MACROD2: variants seen among roughly 807,000 people sequenced by gnomAD.
MACROD2 encodes the protein mono-ADP ribosylhydrolase 2.
Under a neutral mutation model 70.4 loss-of-function variants are expected in MACROD2, and 36 were observed. The observed-to-expected ratio is 0.51, with a 90% CI of 0.39 to 0.68. MACROD2 has a LOEUF of 0.68. Among genes scored for constraint, MACROD2 ranks in the 30% least tolerant of loss-of-function variants. The probability of loss-of-function intolerance (pLI) is 0.00; values close to 1 mark genes in which losing one functional copy is unlikely to be tolerated. For synonymous variants in MACROD2, 172 were observed against 178.8 expected, an observed-to-expected ratio of 0.96 and a Z score of 0.30; for missense variants, 496 against 538.4, an observed-to-expected ratio of 0.92 and a Z score of 0.78.
chr20:15,819,763 G>A (rs2063919381), intron 8 of MACROD2, among the ~76,000 whole-genome samples: 1 of 152,000 alleles, frequency 6.6e-6, no homozygotes, highest in Non-Finnish European at 1.5e-5. Flanking sequence ...CCAGGGGTTG[G>A]GAAGAGGGGG....
chr20:14,088,456 GT>G (rs1298264717), intron 3 of MACROD2, among the ~76,000 whole-genome samples: 2 of 147,954 alleles, frequency 1.4e-5, no homozygotes, highest in East Asian at 4.0e-4. Context: ...TTTAAAAAAT[GT>G]TTATATGTAT....
intron 4 of MACROD2, among the ~76,000 whole-genome samples, chr20:14,598,423 T>G (rs1374615628): frequency 1.3e-5 from 2 of 152,172 alleles, no homozygotes; most frequent in Non-Finnish European, 2.9e-5. Context: ...GAGAGTTGAA[T>G]AACTAGGAAT....
chr20:15,474,010 T>A (rs905067051), intron 7 of MACROD2, among the ~76,000 whole-genome samples: 1 of 152,152 alleles, frequency 6.6e-6, no homozygotes, highest in Non-Finnish European at 1.5e-5. Context: ...GCTCTGTGAG[T>A]CTAGGCAAAC....
At chr20:14,325,012 G>T (rs2082711479) in intron 3 of MACROD2, 1 of 152,474 alleles carries the variant, frequency 6.6e-6, no homozygotes, top group African/African-American at 2.4e-5. Context: ...CACACATTTT[G>T]ATTTATTGAA....
chr20:15,544,457 C>A (rs1483183995), intron 8 of MACROD2, among the ~76,000 whole-genome samples: 2 of 152,116 alleles, frequency 1.3e-5, no homozygotes, highest in African/African-American at 4.8e-5. Context: ...CTGAATTATG[C>A]CATGGAGACA....
At chr20:15,125,412 A>G (rs983007222) in intron 5 of MACROD2, among the ~76,000 whole-genome samples, 2 of 152,130 alleles carry the variant, frequency 1.3e-5, no homozygotes, top group Admixed American at 6.6e-5. Context: ...GGTTAAGATG[A>G]AGATTTTATG....
At chr20:15,655,256 A>G (rs1001351932) in intron 8 of MACROD2, among the ~76,000 whole-genome samples, 2 of 152,024 alleles carry the variant, frequency 1.3e-5, no homozygotes, top group Non-Finnish European at 2.9e-5. Context: ...TGGTATGTGC[A>G]TATATACCTT....
At chr20:15,834,752 A>G (rs1568587353) in intron 8 of MACROD2, among the ~76,000 whole-genome samples, 1 of 152,224 alleles carries the variant, frequency 6.6e-6, no homozygotes, top group African/African-American at 2.4e-5. Context: ...ATTTTGTAGT[A>G]AAACATTTTG....
In MACROD2 at chr20:15,045,721, T is replaced by TG. The variant is rs1289905459; in HGVS notation, c.419-184219_419-184218insG. On this transcript the variant is annotated intron_variant, in intron 5 of 17. Coordinates refer to ENST00000684519, the MANE Select transcript of MACROD2 (RefSeq NM_001351661.2). ...TGATAATTTCTCTCCAGACCAGGGTTTTTTTTTTTTTTTTTTTTTTTTTCC... is the reference window on the plus strand; with the variant it reads ...TGATAATTTCTCTCCAGACCAGGGTTGTTTTTTTTTTTTTTTTTTTTTTTCC... 7.2e-5 allele frequency among the ~76,000 whole-genome samples: 8 copies of TG among 110,964 alleles called. No individual in the cohort carries two copies. In the East Asian group the frequency reaches 1.3e-3, roughly 18 times the overall value. 72.8% of individuals were successfully genotyped at this position (110,964 alleles called of 152,430 possible).
At chr20:15,232,040 A>G (rs1185285602) in intron 6 of MACROD2, among the ~76,000 whole-genome samples, 2 of 152,088 alleles carry the variant, frequency 1.3e-5, no homozygotes, top group East Asian at 3.9e-4. Flanking sequence ...ATAAAAAAGA[A>G]AAATATTTTT....
intron 3 of MACROD2, among the ~76,000 whole-genome samples, chr20:14,264,555 A>G (rs1180382074): frequency 6.6e-6 from 1 of 152,250 alleles, no homozygotes; most frequent in Non-Finnish European, 1.5e-5. Flanking sequence ...TCTGGAAAAG[A>G]CAAGGATGAT....
intron 12 of MACROD2, among the ~76,000 whole-genome samples, chr20:15,948,193 G>A (rs1349674529): frequency 1.3e-5 from 2 of 151,940 alleles, no homozygotes; most frequent in African/African-American, 2.4e-5. Context: ...CACCCAACCA[G>A]TGAGGTAGTA....
intron 6 of MACROD2, among the ~76,000 whole-genome samples, chr20:15,252,569 G>A (rs1016099218): frequency 1.3e-5 from 2 of 152,086 alleles, no homozygotes; most frequent in Non-Finnish European, 2.9e-5. Flanking sequence ...GAAGTCATTC[G>A]GCCATACCTA....
chr20:15,078,951 C>G (rs2075681431), intron 5 of MACROD2, among the ~76,000 whole-genome samples: 1 of 152,016 alleles, frequency 6.6e-6, no homozygotes, highest in East Asian at 1.9e-4. Flanking sequence ...TGGCCTCTTC[C>G]TTCACTTTCT....
rs2122959478 is a variant in MACROD2, at chr20:15,020,221, C to G, written c.419-209719C>G. On this transcript the variant is annotated intron_variant, in intron 5 of 17. Transcript: ENST00000684519. Reference sequence around the variant, plus strand: ...CCACTACTGTGTTCTCTTGATTTCCCAAGTCCTCACCTGAAAGGTCATCTT... The same window carrying G: ...CCACTACTGTGTTCTCTTGATTTCCGAAGTCCTCACCTGAAAGGTCATCTT... Among the ~76,000 whole-genome samples the G allele has an allele frequency of 1.3e-5, 2 of 152,182 alleles. 1 individual carries two copies. The highest frequency in any genetic ancestry group is 4.1e-4 in the South Asian group (2 of 4,820).
In MACROD2 at chr20:14,772,069, C is replaced by T. The variant is rs544856247; in HGVS notation, c.418+87110C>T. Among the ~76,000 whole-genome samples the T allele has an allele frequency of 1.1e-4, 17 of 151,922 alleles. No individual in the cohort carries two copies. In the East Asian group the frequency reaches 1.2e-3, roughly 10 times the overall value. On this transcript the variant is annotated intron_variant, in intron 5 of 17. Coordinates refer to ENST00000684519, the MANE Select transcript of MACROD2 (RefSeq NM_001351661.2). ...GGTGCATGACATTTTAAAAAGCGTCCGCCATCCTAGAAAGAGACAATAAAT... is the reference window on the plus strand; with the variant it reads ...GGTGCATGACATTTTAAAAAGCGTCTGCCATCCTAGAAAGAGACAATAAAT...
At position 14,065,445 on chromosome 20, in the gene MACROD2, A is replaced by G. The variant is rs549815374; in HGVS notation, c.164-20176A>G. Among the ~76,000 whole-genome samples, 4 of 152,320 alleles carry G rather than the reference A, an allele frequency of 2.6e-5. No individual in the cohort carries two copies. In the South Asian group the frequency reaches 8.3e-4, roughly 32 times the overall value. On this transcript the variant is annotated intron_variant, in intron 2 of 17. Transcript: ENST00000684519. ...ATCTCTGGCTTACCTGGCAGGAGAA[A>G]GGAGTATTTGGGCATAATTAGTGTT...
intron 5 of MACROD2, among the ~76,000 whole-genome samples, chr20:14,837,328 A>G (rs943373316): frequency 6.6e-6 from 1 of 152,086 alleles, no homozygotes; most frequent in African/African-American, 2.4e-5. Context: ...ATTGTTAAAA[A>G]AAAATCTTGT....
intron 5 of MACROD2, among the ~76,000 whole-genome samples, chr20:14,858,774 C>T (rs947480711): frequency 6.6e-5 from 10 of 152,172 alleles, no homozygotes; most frequent in African/African-American, 2.4e-4. Flanking sequence ...CACTTCGTAG[C>T]AATGCGACTT....
Sources: gnomAD v4.1 joint callset for allele counts (sites outside exome capture counted in the v4.1 genomes callset) on GRCh38, gnomAD v4.1.1 for gene constraint, MANE v1.5 for transcripts, NCBI Gene and HGNC (gene_info 2026-07-23, HGNC 2026-07-21) for gene names.